Variants in EPM2A observed in about 807,000 individuals in gnomAD.
EPM2A encodes the protein laforin.
Under a neutral mutation model 26.5 loss-of-function variants are expected in EPM2A, and 21 were observed. The observed-to-expected ratio is 0.79, with a 90% CI of 0.56 to 1.14. The LOEUF (loss-of-function observed/expected upper bound fraction) is 1.14, where lower values mean the gene tolerates loss of function less well. Ranked by LOEUF, EPM2A falls within the 50% of genes most tolerant of loss-of-function variation. The pLI is 0.00. For synonymous variants in EPM2A, 217 were observed against 177.6 expected, an observed-to-expected ratio of 1.22 and a Z score of -1.76; for missense variants, 458 against 440.8, an observed-to-expected ratio of 1.04 and a Z score of -0.35.
At chr6:145,422,094 T>G (rs982449387) in intron 4 of EPM2A, among the ~76,000 whole-genome samples, 56 of 132,886 alleles carry the variant, frequency 4.2e-4, no homozygotes, top group Non-Finnish European at 7.4e-4. Context: ...GAGAGAGAGA[T>G]AATATATATA....
exon 5 of EPM2A, chr6:145,383,988 A>T (rs541761626): frequency 4.3e-4 from 66 of 152,262 alleles, no homozygotes; most frequent in African/African-American, 1.4e-3. Context: ...AATGCTGTCC[A>T]TTCCTTGTAG....
At chr6:145,415,032 G>T (rs1177775057) in intron 4 of EPM2A, among the ~76,000 whole-genome samples, 3 of 152,070 alleles carry the variant, frequency 2.0e-5, no homozygotes, top group African/African-American at 4.8e-5. Flanking sequence ...CACCTAGATT[G>T]CTTCCTTTGT....
chr6:145,390,887 A>G (rs1778328351), intron 4 of EPM2A, among the ~76,000 whole-genome samples: 1 of 152,090 alleles, frequency 6.6e-6, no homozygotes, highest in African/African-American at 2.4e-5. Flanking sequence ...TCAATATGCA[A>G]TTCCTAGGAA....
intron 4 of EPM2A, among the ~76,000 whole-genome samples, chr6:145,395,916 G>T (rs1438497074): frequency 6.6e-6 from 1 of 152,076 alleles, no homozygotes; most frequent in Non-Finnish European, 1.5e-5. Context: ...TGCCTAATCT[G>T]CCCAACAGGT....
chr6:145,701,306 G>C (rs1562502387), intron 1 of EPM2A, among the ~76,000 whole-genome samples: 1 of 152,094 alleles, frequency 6.6e-6, no homozygotes, highest in Admixed American at 6.5e-5. Context: ...CTAGAGGTGA[G>C]AAGCCAGGTA....
Position 145,473,698 on chromosome 6 carries a change from C to T in EPM2A, c.555+28824G>A, listed in dbSNP as rs972323941. ...AAACAAATAATATATAATGGAGCTC[C>T]AGTACATCAGGCAGTAGACTTTTCA... is the stretch of plus-strand genomic sequence containing the variant. On this transcript the variant is annotated intron_variant, in intron 4 of 4. Transcript: ENST00000638717. Among the ~76,000 whole-genome samples the T allele has an allele frequency of 2.0e-5, 3 of 152,090 alleles. No individual in the cohort carries two copies. The East Asian group carries it at 5.8e-4, about 29-fold the overall frequency.
intron 2 of EPM2A, among the ~76,000 whole-genome samples, chr6:145,534,422 C>T (rs1430354667): frequency 6.6e-6 from 1 of 152,164 alleles, no homozygotes; most frequent in Non-Finnish European, 1.5e-5. Flanking sequence ...ACCCATTTTA[C>T]AGAAGTTAGC....
chr6:145,702,857 C>A (rs926016521), intron 1 of EPM2A, among the ~76,000 whole-genome samples: 1 of 152,154 alleles, frequency 6.6e-6, no homozygotes, highest in Admixed American at 6.5e-5. Flanking sequence ...GCTAGCTTTA[C>A]CCTAAAACTG....
At chr6:145,568,114 GAT>G (rs1395214665) in intron 2 of EPM2A, among the ~76,000 whole-genome samples, 1 of 152,146 alleles carries the variant, frequency 6.6e-6, no homozygotes, top group Admixed American at 6.5e-5. Context: ...AATGTATTAT[GAT>G]AGGTCTATAA....
At chr6:145,510,283 A>C (rs1308234411) in intron 2 of EPM2A, among the ~76,000 whole-genome samples, 1 of 152,172 alleles carries the variant, frequency 6.6e-6, no homozygotes, top group Non-Finnish European at 1.5e-5. Context: ...CAACCACAGA[A>C]TATACATTCT....
intron 4 of EPM2A, among the ~76,000 whole-genome samples, chr6:145,434,932 A>G (rs1231996551): frequency 6.6e-6 from 1 of 152,034 alleles, no homozygotes; most frequent in African/African-American, 2.4e-5. Flanking sequence ...TCCTCAAGAT[A>G]ATAAGTTCTT....
chr6:145,519,844 C>T (rs1367573777), intron 2 of EPM2A, among the ~76,000 whole-genome samples: 2 of 152,090 alleles, frequency 1.3e-5, no homozygotes, highest in East Asian at 1.9e-4. Context: ...TATCATTAGC[C>T]GCATTCTGAA....
At chr6:145,660,097 G>A (rs1201250628) in intron 2 of EPM2A, among the ~76,000 whole-genome samples, 2 of 152,024 alleles carry the variant, frequency 1.3e-5, no homozygotes, top group African/African-American at 4.8e-5. Context: ...ACGATATTAA[G>A]ATCTTCATAG....
Position 145,627,644 on chromosome 6 carries a change from C to T in EPM2A, c.768G>A (p.Leu256=), listed in dbSNP as rs753561820. 3 of 1,614,182 alleles carry T rather than the reference C, an allele frequency of 1.9e-6. No homozygotes were observed. The Admixed American group carries it at 5.0e-5, about 27-fold the overall frequency. The change falls in exon 4 of 4, where the codon CTG becomes CTA. Residue 256 remains leucine (L), a synonymous_variant. Transcript: ENST00000367519. ...PQAVCLLHAL[L]EKGHIVYVHC... The stretch of plus-strand genomic sequence containing the variant: ...GCACGTACACGATGTGTCCCTTCTC[C>T]AGCAGCGCATGCAGCAGGCACACCG...
At chr6:145,577,849 A>C (rs1361314230) in intron 2 of EPM2A, among the ~76,000 whole-genome samples, 1 of 152,162 alleles carries the variant, frequency 6.6e-6, no homozygotes, top group Non-Finnish European at 1.5e-5. Context: ...TATATCAACT[A>C]TCTTTTATGA....
chr6:145,487,421 G>C (rs1017723070), intron 4 of EPM2A, among the ~76,000 whole-genome samples: 3 of 152,174 alleles, frequency 2.0e-5, no homozygotes, highest in East Asian at 1.9e-4. Context: ...TCGCCACACT[G>C]TCATCCACAA....
At position 145,619,405 on chromosome 6, in the gene EPM2A, G is replaced by C. The variant is rs568206461; in HGVS notation, c.340+15840C>G. Among the ~76,000 whole-genome samples the C allele has an allele frequency of 2.6e-5, 4 of 152,322 alleles. No homozygotes were observed. The South Asian group carries it at 6.2e-4, about 24-fold the overall frequency. ...ACAGAAATTCACCTGCAACAATGAA[G>C]AGGCAGTTAAGAAGGATTACTAGCA... is the stretch of plus-strand genomic sequence containing the variant. On this transcript the variant is annotated intron_variant, in intron 2 of 3. Transcript: ENST00000450221.
intron 1 of EPM2A, among the ~76,000 whole-genome samples, chr6:145,727,876 C>T (rs6920248): frequency 0.078 from 11,813 of 152,190 alleles, 1,229 homozygotes; most frequent in African/African-American, 0.23. Flanking sequence ...ATCTCATCTC[C>T]GAACAGTAAT....
intron 2 of EPM2A, among the ~76,000 whole-genome samples, chr6:145,533,564 C>G (rs1228975276): frequency 6.6e-6 from 1 of 152,224 alleles, no homozygotes; most frequent in Non-Finnish European, 1.5e-5. Context: ...GCTCCAGACA[C>G]AAAGTGTGTC....
Sources: allele counts gnomAD v4.1 joint callset (sites outside exome capture counted in the v4.1 genomes callset), GRCh38; gene constraint gnomAD v4.1.1; transcripts MANE v1.5; gene names NCBI Gene and HGNC (gene_info 2026-07-23, HGNC 2026-07-21).